The following MAF variants were observed in gnomAD, a reference collection of about 807,000 sequenced individuals.
The protein encoded by MAF is transcription factor Maf.
In MAF, 10 loss-of-function variants were observed where a neutral mutation model predicts 22.0. The ratio of observed to expected loss-of-function variants is 0.45; its 90% CI spans 0.28 to 0.77. The LOEUF (loss-of-function observed/expected upper bound fraction) is 0.77. Among genes scored for constraint, MAF ranks in the 30% least tolerant of loss-of-function variants. The pLI, the probability that MAF is intolerant of heterozygous loss-of-function variation, is 0.12. For synonymous variants in MAF, 337 were observed against 255.8 expected (o/e 1.32, Z -3.03); for missense variants, 544 against 548.4 (o/e 0.99, Z 0.08).
chr16:79,545,240 T>C, the MAF span, among the ~76,000 whole-genome samples: 5 of 152,114 alleles, frequency 3.3e-5, no homozygotes, highest in Admixed American at 2.0e-4. Context: ...ACACAGGACA[T>C]TGTTTTGGAC....
chr16:79,434,524 C>T, the MAF span, among the ~76,000 whole-genome samples: 1 of 151,994 alleles, frequency 6.6e-6, no homozygotes, highest in South Asian at 2.1e-4. Flanking sequence ...CTCCCATTGG[C>T]TCACTAGAGC....
At chr16:79,253,644 A>G in the MAF span, among the ~76,000 whole-genome samples, 1 of 151,732 alleles carries the variant, frequency 6.6e-6, no homozygotes, top group East Asian at 1.9e-4. Context: ...TCCTTTCTTC[A>G]TCTTGGGCTC....
At chr16:79,263,933 G>C in the MAF span, among the ~76,000 whole-genome samples, 1 of 152,274 alleles carries the variant, frequency 6.6e-6, no homozygotes, top group African/African-American at 2.4e-5. Flanking sequence ...TGAAAGACTG[G>C]TTCTGGTGGC....
chr16:79,573,911 C>T, the MAF span, among the ~76,000 whole-genome samples: 2 of 152,174 alleles, frequency 1.3e-5, no homozygotes, highest in African/African-American at 4.8e-5. Flanking sequence ...TCATCTTGGT[C>T]ATTTCACAAA....
chr16:79,269,765 A>G, the MAF span, among the ~76,000 whole-genome samples: 18 of 152,206 alleles, frequency 1.2e-4, no homozygotes, highest in African/African-American at 3.4e-4. Flanking sequence ...GTGAGGGGTG[A>G]GGGGTAGCAA....
At chr16:79,392,429 A>C in the MAF span, among the ~76,000 whole-genome samples, 2 of 147,472 alleles carry the variant, frequency 1.4e-5, no homozygotes, top group African/African-American at 5.0e-5. Flanking sequence ...AGGAGAGGAG[A>C]AAGGGAAGAG....
chr16:79,228,927 A>C, the MAF span, among the ~76,000 whole-genome samples: 3 of 151,892 alleles, frequency 2.0e-5, no homozygotes, highest in African/African-American at 4.8e-5. Context: ...AGCCTGCACC[A>C]GTCTGAGACA....
downstream of MAF, among the ~76,000 whole-genome samples, chr16:79,582,610 G>T (rs564578988): frequency 2.0e-5 from 3 of 152,230 alleles, no homozygotes; most frequent in East Asian, 5.8e-4. Flanking sequence ...ATGGAAAGGG[G>T]GTGATGTGGT....
At chr16:79,575,441 T>A in the MAF span, among the ~76,000 whole-genome samples, 1 of 152,330 alleles carries the variant, frequency 6.6e-6, no homozygotes, top group East Asian at 1.9e-4. Flanking sequence ...CCATGAGGAC[T>A]CACTCTTAGC....
chr16:79,543,230 G>A, the MAF span, among the ~76,000 whole-genome samples: 2 of 152,162 alleles, frequency 1.3e-5, no homozygotes, highest in African/African-American at 2.4e-5. Context: ...CATGCTAGCT[G>A]GGTCTGTCCA....
the MAF span, among the ~76,000 whole-genome samples, chr16:79,257,871 T>C: frequency 1.3e-5 from 2 of 152,164 alleles, no homozygotes; most frequent in Non-Finnish European, 2.9e-5. Flanking sequence ...TTGAAAGGCA[T>C]AGAGATGTGT....
the MAF span, among the ~76,000 whole-genome samples, chr16:79,522,140 T>C: frequency 6.6e-6 from 1 of 152,182 alleles, no homozygotes; most frequent in Non-Finnish European, 1.5e-5. Flanking sequence ...TCAGAGGGGT[T>C]GAGCATCTTG....
the MAF span, among the ~76,000 whole-genome samples, chr16:79,562,558 G>C: frequency 1.3e-5 from 2 of 152,270 alleles, no homozygotes; most frequent in Non-Finnish European, 2.9e-5. Flanking sequence ...CACCCTGGCT[G>C]CCAACTAACA....
chr16:79,499,763 T>C, the MAF span, among the ~76,000 whole-genome samples: 1 of 152,188 alleles, frequency 6.6e-6, no homozygotes, highest in African/African-American at 2.4e-5. Flanking sequence ...ATTTCTGTTG[T>C]TTATAAGCTA....
the MAF span, among the ~76,000 whole-genome samples, chr16:79,450,225 C>T: frequency 6.6e-6 from 1 of 152,152 alleles, no homozygotes; most frequent in Non-Finnish European, 1.5e-5. Flanking sequence ...CATAGACTTA[C>T]CTTTAGTACA....
At chr16:79,395,883 C>A in the MAF span, among the ~76,000 whole-genome samples, 1 of 151,978 alleles carries the variant, frequency 6.6e-6, no homozygotes, top group African/African-American at 2.4e-5. Flanking sequence ...AGAGAACTGG[C>A]GAGACAGGCA....
At chr16:79,215,309 T>C in the MAF span, among the ~76,000 whole-genome samples, 13 of 152,112 alleles carry the variant, frequency 8.5e-5, no homozygotes, top group African/African-American at 2.9e-4. Context: ...CTGGAACTCC[T>C]GGCCTTAAGC....
the MAF span, among the ~76,000 whole-genome samples, chr16:79,553,630 A>T: frequency 6.6e-6 from 1 of 152,182 alleles, no homozygotes; most frequent in Non-Finnish European, 1.5e-5. Flanking sequence ...CGCTCCCAAA[A>T]ATGCCAGAGC....
the MAF span, among the ~76,000 whole-genome samples, chr16:79,398,288 G>C: frequency 6.6e-5 from 10 of 152,058 alleles, no homozygotes; most frequent in African/African-American, 1.7e-4. Context: ...ATCTCCCCAA[G>C]GTCAACTGAT....
Sources: allele counts gnomAD v4.1 joint callset (sites outside exome capture counted in the v4.1 genomes callset), GRCh38; gene constraint gnomAD v4.1.1; transcripts MANE v1.5; gene names NCBI Gene and HGNC (gene_info 2026-07-23, HGNC 2026-07-21).